Variants in SLC17A5 observed in about 807,000 individuals in gnomAD.
The protein encoded by SLC17A5 is sialin.
SLC17A5 carries 47 observed loss-of-function variants against 59.4 expected under a neutral mutation model. The observed-to-expected ratio is 0.79, with a 90% CI of 0.63 to 1.01. The LOEUF (loss-of-function observed/expected upper bound fraction) is 1.01, where lower values mean the gene tolerates loss of function less well. Ranked by LOEUF, SLC17A5 falls within the 50% of genes least tolerant of loss-of-function variation. SLC17A5 has a pLI of 0.00. For missense variants in SLC17A5, 522 were observed against 595.5 expected (o/e 0.88, Z 1.28); for synonymous variants, 202 against 210.7 (o/e 0.96, Z 0.36).
intron 1 of SLC17A5, among the ~76,000 whole-genome samples, chr6:73,647,632 G>A (rs976448472): frequency 2.6e-5 from 4 of 152,154 alleles, no homozygotes; most frequent in African/African-American, 9.7e-5. Flanking sequence ...CTTATCATGT[G>A]AATTACAAGG....
intron 8 of SLC17A5, among the ~76,000 whole-genome samples, chr6:73,611,895 C>T (rs976965139): frequency 2.0e-5 from 3 of 151,800 alleles, no homozygotes; most frequent in Non-Finnish European, 2.9e-5. Flanking sequence ...TGCAGTGGTG[C>T]GATCATGGCT....
chr6:73,606,743 G>C (rs1767408275), intron 9 of SLC17A5, among the ~76,000 whole-genome samples: 2 of 152,150 alleles, frequency 1.3e-5, no homozygotes, highest in African/African-American at 2.4e-5. Flanking sequence ...ATCTGGTACA[G>C]TGCCTGGCAC....
intron 9 of SLC17A5, among the ~76,000 whole-genome samples, chr6:73,602,033 G>A (rs968947789): frequency 1.8e-4 from 27 of 152,020 alleles, no homozygotes; most frequent in Admixed American, 1.8e-3. Flanking sequence ...GAAATCGGAT[G>A]GTTGCCGTGT....
chr6:73,636,990 G>A (rs571445373), intron 4 of SLC17A5, among the ~76,000 whole-genome samples: 1 of 152,024 alleles, frequency 6.6e-6, no homozygotes, highest in East Asian at 1.9e-4. Context: ...TACTTGGGAG[G>A]TTGAGGTGGG....
chr6:73,617,318 G>GA lies in SLC17A5; in HGVS notation c.979-1872dup, dbSNP rs1018471857. On this transcript the variant is annotated intron_variant, in intron 7 of 10. Transcript: ENST00000355773. ...TCAGAAAGAAAAAAAACAAAAAAAA[G>GA]AAAAAAAAACACAATTCCATTTAGA... Among the ~76,000 whole-genome samples the GA allele has an allele frequency of 1.3e-4, 20 of 149,092 alleles. No homozygotes were observed. In the East Asian group the frequency reaches 1.8e-3, roughly 13 times the overall value.
rs1453847180 is a variant in SLC17A5, at chr6:73,594,978, A to T, written c.*99T>A. 4 of 1,310,864 alleles carry T rather than the reference A, an allele frequency of 3.1e-6. No individual in the cohort carries two copies. The Admixed American group carries it at 5.3e-5, about 17-fold the overall frequency. 81.2% of individuals were successfully genotyped at this position (1,310,864 alleles called of 1,614,324 possible). On this transcript the variant is annotated 3_prime_UTR_variant, in exon 11 of 11. Coordinates refer to ENST00000355773, the MANE Select transcript of SLC17A5 (RefSeq NM_012434.5). Reference sequence around the variant, plus strand: ...TTAAAAATCTAATACAAGTACAATTAAAAAAAGACATAGAATGCTTACACA... The same window carrying T: ...TTAAAAATCTAATACAAGTACAATTTAAAAAAGACATAGAATGCTTACACA...
At position 73,621,787 on chromosome 6, in the gene SLC17A5, T is replaced by A; in HGVS notation, c.978+17A>T. ...TTATACTATATATATAAGAAGCAGA[T>A]GATTATTTTTTCTTACCTCTTGAAC... is the stretch of plus-strand genomic sequence containing the variant. On this transcript the variant is annotated intron_variant, in intron 7 of 10. Coordinates refer to ENST00000355773, the MANE Select transcript of SLC17A5 (RefSeq NM_012434.5). 1 of 1,573,500 alleles carries A rather than the reference T, an allele frequency of 6.4e-7. No individual in the cohort carries two copies. Among genetic ancestry groups the A allele is most frequent in the Non-Finnish European group, 8.7e-7 (1 of 1,144,438 alleles).
intron 2 of SLC17A5, among the ~76,000 whole-genome samples, chr6:73,642,668 G>T (rs146347496): frequency 6.6e-6 from 1 of 152,210 alleles, no homozygotes; most frequent in Non-Finnish European, 1.5e-5. Flanking sequence ...TACTAATGAA[G>T]ATTTAGTGAC....
At chr6:73,650,685 A>G (rs1769818472) in intron 1 of SLC17A5, among the ~76,000 whole-genome samples, 1 of 150,078 alleles carries the variant, frequency 6.7e-6, no homozygotes, top group Non-Finnish European at 1.5e-5. Context: ...ACAGAGTGAG[A>G]TCCTGAAAAA....
intron 10 of SLC17A5, among the ~76,000 whole-genome samples, chr6:73,597,551 G>A (rs567332554): frequency 6.6e-6 from 1 of 152,148 alleles, no homozygotes; most frequent in Admixed American, 6.6e-5. Flanking sequence ...TTGGGAGGCC[G>A]AGGTAGGTGG....
chr6:73,609,891 T>C (rs886080794), intron 9 of SLC17A5, among the ~76,000 whole-genome samples: 3 of 152,026 alleles, frequency 2.0e-5, no homozygotes, highest in African/African-American at 7.2e-5. Context: ...AAATGGGAGA[T>C]TGTGTTTAAC....
chr6:73,636,372 T>TC (rs990299135), intron 5 of SLC17A5, among the ~76,000 whole-genome samples: 2 of 152,028 alleles, frequency 1.3e-5, no homozygotes, highest in African/African-American at 2.4e-5. Flanking sequence ...TAGTGATTTT[T>TC]TGATAGCAAA....
chr6:73,622,500 C>A (rs896580329), intron 6 of SLC17A5, among the ~76,000 whole-genome samples: 2 of 152,068 alleles, frequency 1.3e-5, no homozygotes, highest in South Asian at 4.1e-4. Flanking sequence ...CGGGGTTTCA[C>A]CATGTTGGTT....
intron 6 of SLC17A5, among the ~76,000 whole-genome samples, chr6:73,631,951 T>C (rs764503125): frequency 1.3e-5 from 2 of 148,916 alleles, no homozygotes; most frequent in Non-Finnish European, 3.0e-5. Context: ...GATTTAAAGA[T>C]GCAGCTTCAC....
intron 8 of SLC17A5, 71 bp from the exon 9 acceptor site, chr6:73,610,618 A>G: frequency 1.9e-6 from 3 of 1,566,372 alleles, no homozygotes; most frequent in Non-Finnish European, 2.6e-6. Context: ...ATATGGTATA[A>G]ATCTGAAATT....
rs1287665752 is a variant in SLC17A5 at position 73,595,130 on chromosome 6, T to C, written c.1435A>G (p.Lys479Glu). The C allele has an allele frequency of 3.7e-6, 6 of 1,614,026 alleles. No individual in the cohort carries two copies. Among genetic ancestry groups the C allele is most frequent in the South Asian group, 3.3e-5 (3 of 91,078 alleles). ...AGAGCCCAGTTTTGTACTTCACCTT[T>C]GGCGAATAGTGTAAAGAAAATGGCA... ...FGAIFFTLFA[K>E]GEVQNWALND... The change falls in exon 11 of 11, where the codon AAA becomes GAA. Residue 479 changes from lysine to glutamate, a missense_variant. Transcript: ENST00000355773.
intron 6 of SLC17A5, among the ~76,000 whole-genome samples, chr6:73,627,276 C>T (rs1768469900): frequency 6.6e-6 from 1 of 152,048 alleles, no homozygotes; most frequent in Admixed American, 6.6e-5. Flanking sequence ...GGGATTTCAC[C>T]ATGTTGGCCA....
chr6:73,653,409 A>G, intron 1 of SLC17A5: 1 of 985,348 alleles, frequency 1.0e-6, no homozygotes, highest in Non-Finnish European at 1.2e-6. Context: ...CATTCATTTG[A>G]TGATTCTCTC....
chr6:73,646,869 TCTCA>T (rs1425750762), intron 1 of SLC17A5, among the ~76,000 whole-genome samples: 3 of 152,038 alleles, frequency 2.0e-5, no homozygotes, highest in African/African-American at 2.4e-5. Context: ...AGAGTCGGGG[TCTCA>T]CTATTTTGCC....
Sources: gnomAD v4.1 joint callset for allele counts (sites outside exome capture counted in the v4.1 genomes callset) on GRCh38, gnomAD v4.1.1 for gene constraint, MANE v1.5 for transcripts, NCBI Gene and HGNC (gene_info 2026-07-23, HGNC 2026-07-21) for gene names.